ACMSD: variants seen among roughly 807,000 people sequenced by gnomAD.
ACMSD encodes the protein aminocarboxymuconate semialdehyde decarboxylase.
In ACMSD, 37 loss-of-function variants were observed where a neutral mutation model predicts 45.9. The observed-to-expected ratio is 0.81, with a 90% CI of 0.62 to 1.06. ACMSD has a LOEUF of 1.06. Ranked by LOEUF, ACMSD falls within the 50% of genes least tolerant of loss-of-function variation. The pLI is 0.00. For missense variants in ACMSD, 434 were observed against 420.9 expected (o/e 1.03, Z -0.27); for synonymous variants, 138 against 148.8 (o/e 0.93, Z 0.53).
chr2:134,862,019 G>A lies in ACMSD; in HGVS notation c.249+1G>A, dbSNP rs1213340604. ...AGTTCCTGTCATGTTTAGCTACTGG[G>A]TGAGTGTGAAACCTCAAGCCATCTC... is the stretch of plus-strand genomic sequence containing the variant. On this transcript the variant is annotated splice_donor_variant, in intron 4 of 9. Transcript: ENST00000356140. LOFTEE classifies it high-confidence loss of function. 6.2e-7 allele frequency: 1 copy of A among 1,614,014 alleles called. No individual in the cohort carries two copies. The highest frequency in any genetic ancestry group is 1.3e-5 in the African/African-American group (1 of 74,904).
intron 1 of ACMSD, among the ~76,000 whole-genome samples, chr2:134,843,694 G>A (rs1258421802): frequency 6.6e-6 from 1 of 152,188 alleles, no homozygotes; most frequent in Non-Finnish European, 1.5e-5. Context: ...ACCCATCACC[G>A]CTGACCAACT....
At chr2:134,861,036 A>G (rs1461637203) in intron 3 of ACMSD, among the ~76,000 whole-genome samples, 1 of 152,010 alleles carries the variant, frequency 6.6e-6, no homozygotes, top group Non-Finnish European at 1.5e-5. Context: ...CTCTAAAAAA[A>G]TTTTTTAATT....
At chr2:134,900,966 AAT>A (rs1262334334) in intron 9 of ACMSD, among the ~76,000 whole-genome samples, 2 of 152,170 alleles carry the variant, frequency 1.3e-5, no homozygotes, top group Non-Finnish European at 2.9e-5. Flanking sequence ...TCCTAGCAGC[AAT>A]AGTCACTTCT....
At chr2:134,848,920 T>G (rs185847365) in intron 2 of ACMSD, among the ~76,000 whole-genome samples, 32 of 152,316 alleles carry the variant, frequency 2.1e-4, no homozygotes, top group African/African-American at 7.7e-4. Flanking sequence ...CTCACCTTCT[T>G]GTGTGTCCAC....
At chr2:134,852,047 G>A (rs777548049) in intron 2 of ACMSD, among the ~76,000 whole-genome samples, 15 of 152,088 alleles carry the variant, frequency 9.9e-5, no homozygotes, top group Non-Finnish European at 1.8e-4. Flanking sequence ...TGGATGAATC[G>A]GGTTCCAAAT....
intron 6 of ACMSD, 83 bp downstream of exon 6, chr2:134,867,755 G>T (rs558170004): frequency 5.0e-5 from 55 of 1,108,556 alleles, no homozygotes; most frequent in South Asian, 2.3e-4. Context: ...ATGTCAAATA[G>T]GGAAAGTATG....
chr2:134,843,381 C>A (rs1273328586), intron 1 of ACMSD, among the ~76,000 whole-genome samples: 1 of 152,138 alleles, frequency 6.6e-6, no homozygotes, highest in Non-Finnish European at 1.5e-5. Flanking sequence ...GGCTAGGACT[C>A]AAGAACAGAC....
chr2:134,897,132 G>A (rs1223074803), intron 8 of ACMSD, among the ~76,000 whole-genome samples: 1 of 151,804 alleles, frequency 6.6e-6, no homozygotes, highest in Non-Finnish European at 1.5e-5. Context: ...TGAATTTTAT[G>A]GTATGTGAAT....
At chr2:134,889,935 A>C (rs895248727) in intron 8 of ACMSD, among the ~76,000 whole-genome samples, 1 of 152,152 alleles carries the variant, frequency 6.6e-6, no homozygotes, top group African/African-American at 2.4e-5. Flanking sequence ...ATTAATAAAT[A>C]GGTGAACATA....
chr2:134,863,861 A>C (rs1222595551), intron 5 of ACMSD, among the ~76,000 whole-genome samples: 1 of 152,228 alleles, frequency 6.6e-6, no homozygotes, highest in Non-Finnish European at 1.5e-5. Context: ...GTTAACAGTG[A>C]AATCTCTTTT....
rs1018853291 is a variant in ACMSD, at chr2:134,863,644, G to T, written c.486+13G>T. 1 of 1,613,118 alleles carries T rather than the reference G, an allele frequency of 6.2e-7. No individual in the cohort carries two copies. The highest frequency in any genetic ancestry group is 1.3e-5 in the African/African-American group (1 of 75,042). On this transcript the variant is annotated intron_variant, in intron 5 of 9. Transcript: ENST00000356140. Reference sequence around the variant, plus strand: ...TCCTGTCTATGCGGTGAGTAGCGGGGCTGCTCAGCCAACGCCAGCCGCCCA... The same window carrying T: ...TCCTGTCTATGCGGTGAGTAGCGGGTCTGCTCAGCCAACGCCAGCCGCCCA...
At chr2:134,849,861 A>G (rs1206803575) in intron 2 of ACMSD, among the ~76,000 whole-genome samples, 1 of 152,036 alleles carries the variant, frequency 6.6e-6, no homozygotes, top group Non-Finnish European at 1.5e-5. Flanking sequence ...ACCTGGGAGC[A>G]TTTTAAAGCC....
chr2:134,862,155 C>A, intron 4 of ACMSD, 137 bp downstream of exon 4: 1 of 916,192 alleles, frequency 1.1e-6, no homozygotes, highest in South Asian at 1.3e-5. Context: ...TAGCGATCAG[C>A]AGGGTCCCCT....
chr2:134,846,413 AT>A (rs929248919), intron 2 of ACMSD, among the ~76,000 whole-genome samples: 1 of 151,934 alleles, frequency 6.6e-6, no homozygotes, highest in African/African-American at 2.4e-5. Flanking sequence ...TTAATTATTA[AT>A]TTTTTTAAGG....
chr2:134,887,934 G>A (rs558982190), intron 8 of ACMSD, among the ~76,000 whole-genome samples: 2 of 152,216 alleles, frequency 1.3e-5, no homozygotes, highest in South Asian at 2.1e-4. Context: ...AGAAAATATA[G>A]AAGAATATCT....
intron 2 of ACMSD, among the ~76,000 whole-genome samples, chr2:134,854,787 A>G (rs908746895): frequency 6.6e-6 from 1 of 150,796 alleles, no homozygotes; most frequent in Non-Finnish European, 1.5e-5. Flanking sequence ...GATGGCCACA[A>G]GCATGACAAG....
rs540578998 is a variant in ACMSD, at chr2:134,870,984, C to T, written c.600C>T (p.Thr200=). Residue 200 remains threonine (T), a synonymous_variant, in exon 7 of 10, where the codon ACC becomes ACT. Coordinates refer to ENST00000356140, the MANE Select transcript of ACMSD (RefSeq NM_138326.3). ...TTTCAGGAATGCCAGCAGAGACCAC[C>T]ATAGCCATTTGCTCCATGATCATGG... ...PWLVGMPAET[T]IAICSMIMGG... The T allele has an allele frequency of 3.0e-5, 49 of 1,614,040 alleles. No homozygotes were observed. The African/African-American group carries it at 6.4e-4, about 21-fold the overall frequency.
chr2:134,871,682 G>GAC (rs1170611331), intron 7 of ACMSD, among the ~76,000 whole-genome samples: 2,909 of 138,948 alleles, frequency 0.021, 96 homozygotes, highest in African/African-American at 0.067. Context: ...TCAACAGACA[G>GAC]ACACACACAC....
At chr2:134,888,744 G>A (rs1689604877) in intron 8 of ACMSD, among the ~76,000 whole-genome samples, 2 of 151,902 alleles carry the variant, frequency 1.3e-5, no homozygotes, top group African/African-American at 4.9e-5. Flanking sequence ...GGATCCCAGA[G>A]AGTGTATACT....
Sources: gnomAD v4.1 joint callset for allele counts (sites outside exome capture counted in the v4.1 genomes callset) on GRCh38, gnomAD v4.1.1 for gene constraint, MANE v1.5 for transcripts, NCBI Gene and HGNC (gene_info 2026-07-23, HGNC 2026-07-21) for gene names.